The following WDTC1 variants were observed in gnomAD, a reference collection of about 807,000 sequenced individuals.
WDTC1 encodes WD and tetratricopeptide repeats protein 1.
A neutral mutation model predicts 76.0 loss-of-function variants in WDTC1; 12 were observed. The observed-to-expected ratio is 0.16, with a 90% CI of 0.10 to 0.26. The LOEUF (loss-of-function observed/expected upper bound fraction) is 0.26, where lower values mean the gene tolerates loss of function less well. Ranked by LOEUF, WDTC1 falls within the 10% of genes least tolerant of loss-of-function variation. The pLI is 1.00. For synonymous variants in WDTC1, 326 were observed against 350.8 expected, an observed-to-expected ratio of 0.93 and a Z score of 0.79; for missense variants, 511 against 908.8, an observed-to-expected ratio of 0.56 and a Z score of 5.63.
intron 1 of WDTC1, among the ~76,000 whole-genome samples, chr1:27,246,753 G>A (rs1172738627): frequency 2.0e-5 from 3 of 151,360 alleles, no homozygotes; most frequent in Non-Finnish European, 4.4e-5. Flanking sequence ...GTAGAGATGG[G>A]GTTTCACCAT....
intron 1 of WDTC1, among the ~76,000 whole-genome samples, chr1:27,241,114 G>A (rs1196232590): frequency 1.3e-5 from 2 of 152,122 alleles, no homozygotes; most frequent in Admixed American, 6.6e-5. Flanking sequence ...GAGGGTCACC[G>A]TTGGCATTTT....
At chr1:27,276,070 G>T in intron 3 of WDTC1, among the ~76,000 whole-genome samples, 1 of 151,808 alleles carries the variant, frequency 6.6e-6, no homozygotes. Flanking sequence ...TCTTTTTTGC[G>T]GCCAAATAGC....
chr1:27,289,084 A>AC (rs1450481539), intron 6 of WDTC1, among the ~76,000 whole-genome samples: 9 of 117,932 alleles, frequency 7.6e-5, no homozygotes, highest in African/African-American at 2.2e-4. Flanking sequence ...CAGGGGGCTG[A>AC]CCCCCCCACC....
At chr1:27,291,363 T>C (rs1295770369) in intron 6 of WDTC1, among the ~76,000 whole-genome samples, 1 of 152,312 alleles carries the variant, frequency 6.6e-6, no homozygotes, top group African/African-American at 2.4e-5. Context: ...TATTGAGGAA[T>C]CTCTGCAATT....
intron 3 of WDTC1, among the ~76,000 whole-genome samples, 195 bp from the exon 4 acceptor site, chr1:27,282,044 A>G (rs2013204983): frequency 6.6e-6 from 1 of 152,226 alleles, no homozygotes; most frequent in Admixed American, 6.5e-5. Context: ...GTATCAAGTG[A>G]GATCATGAAT....
chr1:27,258,185 G>C (rs2012346665), intron 1 of WDTC1, among the ~76,000 whole-genome samples: 1 of 151,616 alleles, frequency 6.6e-6, no homozygotes, highest in Non-Finnish European at 1.5e-5. Context: ...TGTTGCTTGA[G>C]CCTAGGAGTT....
In WDTC1 at chr1:27,305,560, A is replaced by G. The variant is rs2013936279; in HGVS notation, c.1836+367A>G. ...CACCACCTTGAAAGGTTGTGGTGAG[A>G]AGTAAAGAAGAGATGCCTGTGAAGT... On this transcript the variant is annotated intron_variant, in intron 15 of 15. Transcript: ENST00000319394. This position sits in a 1 kb window ranked among gnomAD's most constrained non-coding sequence, Gnocchi z 4.6. 6.6e-6 allele frequency among the ~76,000 whole-genome samples: 1 copy of G among 152,136 alleles called. No individual in the cohort carries two copies. Among genetic ancestry groups the G allele is most frequent in the African/African-American group, 2.4e-5 (1 of 41,424 alleles).
At chr1:27,300,048 C>T (rs2013792741) in intron 12 of WDTC1, among the ~76,000 whole-genome samples, 1 of 152,222 alleles carries the variant, frequency 6.6e-6, no homozygotes, top group Non-Finnish European at 1.5e-5. Context: ...GTCAGAGCCA[C>T]TCATCCTGAC....
chr1:27,302,583 T>A (rs1308648528), intron 13 of WDTC1, among the ~76,000 whole-genome samples: 2 of 151,146 alleles, frequency 1.3e-5, no homozygotes, highest in Admixed American at 6.6e-5. Flanking sequence ...AAAGAAAAAT[T>A]AAAAAAAATT....
chr1:27,260,367 A>G (rs2147930793), intron 1 of WDTC1, among the ~76,000 whole-genome samples: 1 of 152,286 alleles, frequency 6.6e-6, no homozygotes, highest in Non-Finnish European at 1.5e-5. Context: ...GGCCTCCCGA[A>G]GTTCTGGGAT....
At chr1:27,298,192 C>A in intron 12 of WDTC1, 81 bp downstream of exon 12, 1 of 1,460,276 alleles carries the variant, frequency 6.8e-7, no homozygotes. Flanking sequence ...CTGATGGAGC[C>A]AAGTTGCCAA....
chr1:27,248,497 G>T (rs1478527249), intron 1 of WDTC1, among the ~76,000 whole-genome samples: 1 of 151,928 alleles, frequency 6.6e-6, no homozygotes, highest in Non-Finnish European at 1.5e-5. Context: ...TGATGGGATT[G>T]TTTTTTTCTT....
chr1:27,235,888 G>A (rs1385559028), intron 1 of WDTC1, among the ~76,000 whole-genome samples: 2 of 152,118 alleles, frequency 1.3e-5, no homozygotes, highest in African/African-American at 4.8e-5. Context: ...AGCCTGGTAG[G>A]GTGGCTGAAG....
Position 27,301,129 on chromosome 1 carries a change from TG to T in WDTC1, c.1233-94del. 9.6e-7 allele frequency: 1 copy of T among 1,038,152 alleles called. No individual in the cohort carries two copies. Among genetic ancestry groups the T allele is most frequent in the Non-Finnish European group, 1.4e-6 (1 of 696,434 alleles). 64.3% of individuals were successfully genotyped at this position (1,038,152 alleles called of 1,614,324 possible). On this transcript the variant is annotated intron_variant, in intron 12 of 15. Coordinates refer to ENST00000319394, the MANE Select transcript of WDTC1 (RefSeq NM_001276252.2). This position sits in a 1 kb window ranked among gnomAD's most constrained non-coding sequence, Gnocchi z 5.8. ...CCCTTGCCATGAGATCTGTCAGTGG[TG>T]GGCTGGGGTGGCCACAGGAAGCAGA... is the stretch of plus-strand genomic sequence containing the variant.
At chr1:27,296,267 G>A in intron 9 of WDTC1, 59 bp from the exon 10 acceptor site, 1 of 1,603,822 alleles carries the variant, frequency 6.2e-7, no homozygotes, top group Non-Finnish European at 8.5e-7. Context: ...CTGCTTACTG[G>A]TTCAACCACA....
chr1:27,306,676 G>C lies in WDTC1; in HGVS notation c.*293G>C. 1 of 455,452 alleles carries C rather than the reference G, an allele frequency of 2.2e-6. No individual in the cohort carries two copies. The highest frequency in any genetic ancestry group is 2.6e-5 in the South Asian group (1 of 38,670). The allele number at this position is 455,452 out of a possible 1,614,324, so 28.2% of individuals were successfully genotyped here. A position where few individuals can be genotyped will look rare whatever the true frequency, so the allele number is the denominator to read the frequency against. On this transcript the variant is annotated 3_prime_UTR_variant, in exon 16 of 16. Transcript: ENST00000319394. This position sits in a 1 kb window ranked among gnomAD's most constrained non-coding sequence, Gnocchi z 5.0. ...TCATGTCCCTGGAGGGCTCTGGCCT[G>C]CCTCAAAACCCCTTCTGCCTCAGGT...
At chr1:27,297,838 C>T in intron 11 of WDTC1, 100 bp from the exon 12 acceptor site, 22 of 1,322,728 alleles carry the variant, frequency 1.7e-5, no homozygotes, top group Non-Finnish European at 2.1e-5. Flanking sequence ...ATCCCAGGGG[C>T]CAAGAAAATC....
Position 27,302,602 on chromosome 1 carries a change from G to T in WDTC1, c.1469-1019G>T, listed in dbSNP as rs575145171. Among the ~76,000 whole-genome samples the T allele has an allele frequency of 1.8e-4, 27 of 152,164 alleles. No homozygotes were observed. The South Asian group carries it at 5.6e-3, about 32-fold the overall frequency. On this transcript the variant is annotated intron_variant, in intron 13 of 15. Coordinates refer to ENST00000319394, the MANE Select transcript of WDTC1 (RefSeq NM_001276252.2). Reference sequence around the variant, plus strand: ...AAAAATTAAAAAAAATTAGCCAGGGGTGGTGGCACACACCTGTAGTCCCAG... The same window carrying T: ...AAAAATTAAAAAAAATTAGCCAGGGTTGGTGGCACACACCTGTAGTCCCAG...
chr1:27,236,282 T>C (rs1293387405), intron 1 of WDTC1, among the ~76,000 whole-genome samples: 1 of 152,182 alleles, frequency 6.6e-6, no homozygotes, highest in African/African-American at 2.4e-5. Flanking sequence ...TTGGGCTCCT[T>C]TGGGCCAAGT....
Sources: gnomAD v4.1 joint callset for allele counts (sites outside exome capture counted in the v4.1 genomes callset) on GRCh38, gnomAD v4.1.1 for gene constraint, Gnocchi (gnomAD v3.1) non-coding constraint, MANE v1.5 for transcripts, NCBI Gene and HGNC (gene_info 2026-07-23, HGNC 2026-07-21) for gene names.